BPIFA2: variants seen among roughly 807,000 people sequenced by gnomAD.
The protein encoded by BPIFA2 is BPI fold-containing family A member 2.
Under a neutral mutation model 25.7 loss-of-function variants are expected in BPIFA2, and 20 were observed. That is an observed-to-expected ratio of 0.78 (90% CI 0.55 to 1.13). BPIFA2 has a LOEUF of 1.13. BPIFA2 is among the 50% of genes most tolerant of loss of function. BPIFA2 has a pLI of 0.00. For missense variants in BPIFA2, 300 were observed against 298.1 expected (o/e 1.01, Z -0.05); for synonymous variants, 126 against 124.3 (o/e 1.01, Z -0.09).
intron 5 of BPIFA2, among the ~76,000 whole-genome samples, chr20:33,176,901 C>T (rs1984097477): frequency 6.6e-6 from 1 of 152,182 alleles, no homozygotes; most frequent in African/African-American, 2.4e-5. Context: ...AGAGCACCTT[C>T]TTCTCACTCC....
chr20:33,168,978 T>C (rs1228663883), intron 1 of BPIFA2, among the ~76,000 whole-genome samples, 153 bp from the exon 2 acceptor site: 1 of 152,248 alleles, frequency 6.6e-6, no homozygotes, highest in Non-Finnish European at 1.5e-5. Context: ...GGCAAGTTGC[T>C]GTAGCTTTCT....
At chr20:33,175,587 G>C in intron 5 of BPIFA2, 28 bp downstream of exon 5, 1 of 1,607,852 alleles carries the variant, frequency 6.2e-7, no homozygotes, top group Non-Finnish European at 8.5e-7. Flanking sequence ...TAGTAGAGCT[G>C]GGCTCTCAGG....
At chr20:33,173,607 C>G (rs928438818) in intron 3 of BPIFA2, among the ~76,000 whole-genome samples, 1 of 152,152 alleles carries the variant, frequency 6.6e-6, no homozygotes, top group Admixed American at 6.5e-5. Flanking sequence ...TGGGTTCAAG[C>G]GATTCTCCTG....
intron 6 of BPIFA2, 52 bp downstream of exon 6, chr20:33,178,280 G>T: frequency 7.1e-7 from 1 of 1,415,382 alleles, no homozygotes; most frequent in East Asian, 2.3e-5. Flanking sequence ...GGGGCAGGTG[G>T]GGGAATTTGC....
At chr20:33,180,478 A>G (rs765054231) in intron 7 of BPIFA2, 42 bp from the exon 8 acceptor site, 64 of 1,590,768 alleles carry the variant, frequency 4.0e-5, no homozygotes, top group Non-Finnish European at 5.4e-5. Flanking sequence ...ATTCAATTCC[A>G]GTGGCAGAGA....
Position 33,169,274 on chromosome 20 carries a change from A to G in BPIFA2, c.129A>G (p.Gly43=). ...AGCTGGAACCTGTTCTTCACGAGGG[A>G]CTTGAGACAGTTGACAATACTCTTA... ...VDKLEPVLHE[G]LETVDNTLKG... The change falls in exon 2 of 9, where the codon GGA becomes GGG. Residue 43 remains glycine, a synonymous_variant. Transcript: ENST00000354932. The G allele has an allele frequency of 4.3e-6, 7 of 1,614,098 alleles. No individual in the cohort carries two copies. The highest frequency in any genetic ancestry group is 5.9e-6 in the Non-Finnish European group (7 of 1,179,950).
chr20:33,162,074 G>A (rs1011454619), intron 1 of BPIFA2, among the ~76,000 whole-genome samples: 47 of 152,204 alleles, frequency 3.1e-4, no homozygotes, highest in African/African-American at 9.9e-4. Flanking sequence ...TCTGCTTCCC[G>A]GGTTCAAATG....
intron 3 of BPIFA2, 90 bp downstream of exon 3, chr20:33,173,166 G>C: frequency 6.8e-7 from 1 of 1,468,630 alleles, no homozygotes; most frequent in Non-Finnish European, 9.3e-7. Context: ...AAGACAGATG[G>C]ACAAGCCTCA....
At chr20:33,176,123 G>A (rs9680084) in intron 5 of BPIFA2, among the ~76,000 whole-genome samples, 4,332 of 151,522 alleles carry the variant, frequency 0.029, 186 homozygotes, top group African/African-American at 0.098. Context: ...AGGGAGAGGG[G>A]AGAGTAAGTG....
upstream of BPIFA2, among the ~76,000 whole-genome samples, chr20:33,166,844 A>C (rs1983741239): frequency 6.6e-6 from 1 of 152,252 alleles, no homozygotes; most frequent in African/African-American, 2.4e-5. Context: ...ACCCTGGGCT[A>C]TGTTCCTGGG....
upstream of BPIFA2, among the ~76,000 whole-genome samples, chr20:33,166,822 A>T (rs983940370): frequency 1.3e-5 from 2 of 152,256 alleles, no homozygotes; most frequent in African/African-American, 4.8e-5. Flanking sequence ...AGGTCACTGC[A>T]TCATGCTCAG....
chr20:33,177,354 CAAA>C (rs57465925), intron 5 of BPIFA2, among the ~76,000 whole-genome samples: 9 of 120,842 alleles, frequency 7.4e-5, no homozygotes, highest in East Asian at 2.5e-4. Flanking sequence ...GACATTGTCT[CAAA>C]AAAAAAAAAA....
upstream of BPIFA2, among the ~76,000 whole-genome samples, chr20:33,164,249 A>G (rs1470570233): frequency 6.6e-6 from 1 of 152,254 alleles, no homozygotes; most frequent in Non-Finnish European, 1.5e-5. Context: ...GGCCAGGCCC[A>G]CTTTAGCAGG....
chr20:33,170,835 A>G (rs574343233), intron 2 of BPIFA2, among the ~76,000 whole-genome samples: 21 of 152,322 alleles, frequency 1.4e-4, no homozygotes, highest in African/African-American at 4.8e-4. Flanking sequence ...TATGTCCTGA[A>G]TGGTATTGCC....
upstream of BPIFA2, among the ~76,000 whole-genome samples, chr20:33,163,957 A>G (rs1983649110): frequency 6.6e-6 from 1 of 152,092 alleles, no homozygotes; most frequent in Non-Finnish European, 1.5e-5. Flanking sequence ...TTCCTTGTTT[A>G]TAAAATGGGA....
upstream of BPIFA2, among the ~76,000 whole-genome samples, chr20:33,166,747 AG>A (rs1219271624): frequency 1.3e-5 from 2 of 152,216 alleles, no homozygotes; most frequent in Non-Finnish European, 2.9e-5. Flanking sequence ...TCTGAGATCC[AG>A]GAACAGCGTG....
At chr20:33,171,858 T>C (rs1300619797) in intron 2 of BPIFA2, among the ~76,000 whole-genome samples, 1 of 152,112 alleles carries the variant, frequency 6.6e-6, no homozygotes, top group Non-Finnish European at 1.5e-5. Context: ...GAACCAGAAA[T>C]ACCATTTGAC....
At chr20:33,167,684 C>CTGTG (rs10667426), upstream of BPIFA2, among the ~76,000 whole-genome samples, 2 of 152,308 alleles carry the variant, frequency 1.3e-5, no homozygotes, top group East Asian at 1.9e-4. Context: ...GGGCAGGACC[C>CTGTG]CTGGGAGGCT....
At chr20:33,173,662 G>A (rs1432014304) in intron 3 of BPIFA2, among the ~76,000 whole-genome samples, 2 of 152,088 alleles carry the variant, frequency 1.3e-5, no homozygotes, top group Non-Finnish European at 2.9e-5. Flanking sequence ...GCACCACCAC[G>A]CCCGGCTAAT....
Sources: allele counts gnomAD v4.1 joint callset (sites outside exome capture counted in the v4.1 genomes callset), GRCh38; gene constraint gnomAD v4.1.1; transcripts MANE v1.5; gene names NCBI Gene and HGNC (gene_info 2026-07-23, HGNC 2026-07-21).